Variants in DHTKD1 observed in about 807,000 individuals in gnomAD.
DHTKD1 encodes dehydrogenase E1 and transketolase domain containing 1.
Under a neutral mutation model 101.8 loss-of-function variants are expected in DHTKD1, and 78 were observed. The observed-to-expected ratio is 0.77, with a 90% CI of 0.64 to 0.93. The LOEUF (loss-of-function observed/expected upper bound fraction) is 0.93. Among genes scored for constraint, DHTKD1 ranks in the 40% least tolerant of loss-of-function variants. The pLI is 0.00. For synonymous variants in DHTKD1, 462 were observed against 450.3 expected (o/e 1.03, Z -0.33); for missense variants, 1,223 against 1,161.7 (o/e 1.05, Z -0.77).
chr10:12,106,017 C>T (rs1401219446), intron 10 of DHTKD1, among the ~76,000 whole-genome samples: 10 of 152,136 alleles, frequency 6.6e-5, no homozygotes, highest in Admixed American at 6.6e-4. Context: ...ATCACTTGAA[C>T]CTGGGAGGCG....
rs117675644 is a variant in DHTKD1, at chr10:12,083,457, G to A, written c.311-1083G>A. Among the ~76,000 whole-genome samples, 17 of 152,284 alleles carry A rather than the reference G, an allele frequency of 1.1e-4. No homozygotes were observed. The East Asian group carries it at 1.2e-3, about 10-fold the overall frequency. ...GCAATATAAAGTAAAGGTTGGGGCC[G>A]GGTGTGGTGGCTTATGCCTGTAATC... On this transcript the variant is annotated intron_variant, in intron 2 of 16. Coordinates refer to ENST00000263035, the MANE Select transcript of DHTKD1 (RefSeq NM_018706.7).
In DHTKD1 at chr10:12,069,067, G is replaced by T. The variant is rs755696207; in HGVS notation, c.34G>T (p.Gly12Cys). 2.5e-6 allele frequency: 4 copies of T among 1,612,934 alleles called. No individual in the cohort carries two copies. In the East Asian group the frequency reaches 8.9e-5, roughly 36 times the overall value. The change falls in exon 1 of 17, where the codon GGC (glycine) becomes TGC (cysteine). Residue 12 changes from glycine (G) to cysteine (C), a missense_variant. Transcript: ENST00000263035. ...TGCTACTGCGGCAGCAGCACGACGG[G>T]GCCTCGGCCGGGCTCTCCCTCTCTT... ...ASATAAAARR[G>C]LGRALPLFWR...
Position 12,119,602 on chromosome 10 carries a change from C to T in DHTKD1, c.2573-580C>T, listed in dbSNP as rs527365951. ...CTGCACTCCAGCCTGGGCGACAGAG[C>T]GAGACTCCGTCTCAAAAAAAAAAAA... On this transcript the variant is annotated intron_variant, in intron 15 of 16. Coordinates refer to ENST00000263035, the MANE Select transcript of DHTKD1 (RefSeq NM_018706.7). Among the ~76,000 whole-genome samples the T allele has an allele frequency of 7.2e-5, 9 of 124,882 alleles. No individual in the cohort carries two copies. In the South Asian group the frequency reaches 9.6e-4, roughly 13 times the overall value. The allele number at this position is 124,882 out of a possible 152,430, so 81.9% of individuals were successfully genotyped here. A position where few individuals can be genotyped will look rare whatever the true frequency, so the allele number is the denominator to read the frequency against.
chr10:12,113,150 T>A, intron 13 of DHTKD1, 86 bp downstream of exon 13: 1 of 1,215,294 alleles, frequency 8.2e-7, no homozygotes. Flanking sequence ...TAATTATATT[T>A]AAATTACAGA....
chr10:12,097,544 G>A (rs928234538), intron 7 of DHTKD1, 140 bp from the exon 8 acceptor site: 2 of 737,240 alleles, frequency 2.7e-6, no homozygotes, highest in African/African-American at 1.8e-5. Context: ...AAAATGCTAA[G>A]ATTGTAGGTG....
At chr10:12,095,836 A>AAAC (rs1234507918) in intron 7 of DHTKD1, among the ~76,000 whole-genome samples, 1 of 141,352 alleles carries the variant, frequency 7.1e-6, no homozygotes, top group African/African-American at 2.6e-5. Flanking sequence ...AAAAAAAAGA[A>AAAC]AAGAAAAGAA....
At position 12,089,093 on chromosome 10, in the gene DHTKD1, G is replaced by T; in HGVS notation, c.825G>T (p.Ala275=). 6.2e-7 allele frequency: 1 copy of T among 1,614,120 alleles called. No individual in the cohort carries two copies. Among genetic ancestry groups the T allele is most frequent in the South Asian group, 1.1e-5 (1 of 91,084 alleles). Residue 275 remains alanine (A), a synonymous_variant, in exon 5 of 17, where the codon GCG becomes GCT. Coordinates refer to ENST00000263035, the MANE Select transcript of DHTKD1 (RefSeq NM_018706.7). ...CCTCTGTGGACCTGTACTTTGGGGC[G>T]CACCATCCCCTCCATGTGACAATGT... is the stretch of plus-strand genomic sequence containing the variant. ...LTSSVDLYFG[A]HHPLHVTMLP...
At chr10:12,118,102 C>A (rs111525376) in intron 14 of DHTKD1, among the ~76,000 whole-genome samples, 2 of 151,804 alleles carry the variant, frequency 1.3e-5, no homozygotes, top group Non-Finnish European at 1.5e-5. Flanking sequence ...GTTGGCCAGG[C>A]TGGTCTCGAA....
rs1006605790 is a variant in DHTKD1 at position 12,087,286 on chromosome 10, G to C, written c.523-249G>C. On this transcript the variant is annotated intron_variant, in intron 3 of 16. Coordinates refer to ENST00000263035, the MANE Select transcript of DHTKD1 (RefSeq NM_018706.7). This position sits in a 1 kb window ranked among gnomAD's most constrained non-coding sequence, Gnocchi z 5.2. ...GTCCAGAAGAACACACATTCTAAGGGGGTTTCCTTGGGGTGAGTTATTCTG... is the reference window on the plus strand; with the variant it reads ...GTCCAGAAGAACACACATTCTAAGGCGGTTTCCTTGGGGTGAGTTATTCTG... 3.3e-4 allele frequency among the ~76,000 whole-genome samples: 50 copies of C among 152,196 alleles called. No individual in the cohort carries two copies. Among genetic ancestry groups the C allele is most frequent in the African/African-American group, 1.2e-3 (49 of 41,530 alleles).
At chr10:12,082,785 A>G (rs1832841733) in intron 2 of DHTKD1, among the ~76,000 whole-genome samples, 1 of 152,088 alleles carries the variant, frequency 6.6e-6, no homozygotes, top group Non-Finnish European at 1.5e-5. Context: ...CTTCCTCAAA[A>G]GACCAATACT....
chr10:12,085,817 G>T (rs999764886), intron 3 of DHTKD1, among the ~76,000 whole-genome samples: 1 of 151,294 alleles, frequency 6.6e-6, no homozygotes, highest in African/African-American at 2.4e-5. Context: ...AACCCAGGAG[G>T]CGGAGGTTGC....
At chr10:12,072,354 C>CG (rs1290865972) in intron 1 of DHTKD1, among the ~76,000 whole-genome samples, 1 of 151,956 alleles carries the variant, frequency 6.6e-6, no homozygotes, top group Non-Finnish European at 1.5e-5. Context: ...ACCGGTTACT[C>CG]GGGAGGCTGA....
chr10:12,081,681 C>T (rs1469487223), intron 2 of DHTKD1, 54 bp downstream of exon 2: 5 of 1,603,030 alleles, frequency 3.1e-6, no homozygotes, highest in Non-Finnish European at 2.6e-6. Flanking sequence ...AGGCCAGGCT[C>T]CTGCCTCTGT....
chr10:12,090,371 T>C (rs1037433443), intron 5 of DHTKD1, among the ~76,000 whole-genome samples: 2 of 53,248 alleles, frequency 3.8e-5, no homozygotes, highest in African/African-American at 7.9e-5. Context: ...CTCCCTCCCT[T>C]CCTTCCTTCC....
At chr10:12,098,449 G>T (rs1284221730) in intron 8 of DHTKD1, among the ~76,000 whole-genome samples, 1 of 152,152 alleles carries the variant, frequency 6.6e-6, no homozygotes, top group Non-Finnish European at 1.5e-5. Flanking sequence ...TGGTGGACCT[G>T]GGACTTAGGG....
intron 6 of DHTKD1, 128 bp downstream of exon 6, chr10:12,091,812 A>G: frequency 2.8e-6 from 2 of 713,010 alleles, no homozygotes; most frequent in Non-Finnish European, 2.1e-6. Flanking sequence ...TAATTAATTA[A>G]TTAATTTTTT....
At position 12,097,738 on chromosome 10, in the gene DHTKD1, C is replaced by A. The variant is rs1833093149; in HGVS notation, c.1413C>A (p.Leu471=). The change falls in exon 8 of 17, where the codon CTC becomes CTA. Residue 471 remains leucine (L), a synonymous_variant. Coordinates refer to ENST00000263035, the MANE Select transcript of DHTKD1 (RefSeq NM_018706.7). ...TYAEHLIAGG[L]MTQEEVSEIK... Reference sequence around the variant, plus strand: ...CAGAGCACCTCATTGCTGGCGGACTCATGACGCAGGAGGAGGTGTCTGAAA... The same window carrying A: ...CAGAGCACCTCATTGCTGGCGGACTAATGACGCAGGAGGAGGTGTCTGAAA... 6.2e-7 allele frequency: 1 copy of A among 1,614,036 alleles called. No homozygotes were observed. Among genetic ancestry groups the A allele is most frequent in the South Asian group, 1.1e-5 (1 of 91,086 alleles).
At chr10:12,074,457 G>A (rs1226654522) in intron 1 of DHTKD1, among the ~76,000 whole-genome samples, 2 of 151,954 alleles carry the variant, frequency 1.3e-5, no homozygotes, top group East Asian at 1.9e-4. Context: ...CTGGGTTCAC[G>A]CCATTCTCCT....
At chr10:12,117,116 C>T (rs911653588) in intron 13 of DHTKD1, among the ~76,000 whole-genome samples, 3 of 152,064 alleles carry the variant, frequency 2.0e-5, no homozygotes, top group African/African-American at 7.2e-5. Flanking sequence ...AATTCTCCCG[C>T]CTCAGCCTCC....
Sources: allele counts gnomAD v4.1 joint callset (sites outside exome capture counted in the v4.1 genomes callset), GRCh38; gene constraint gnomAD v4.1.1; non-coding constraint Gnocchi (gnomAD v3.1); transcripts MANE v1.5; gene names NCBI Gene and HGNC (gene_info 2026-07-23, HGNC 2026-07-21).